The following B4GALT5 variants were observed in gnomAD, a reference collection of about 807,000 sequenced individuals.
B4GALT5 encodes the protein beta-1,4-galactosyltransferase 5, also known as UDP-Gal:beta-GlcNAc beta-1,4-galactosyltransferase 5.
Under a neutral mutation model 45.0 loss-of-function variants are expected in B4GALT5, and 11 were observed. The ratio of observed to expected loss-of-function variants is 0.24; its 90% confidence interval spans 0.15 to 0.40. The LOEUF is 0.40. Ranked by LOEUF, B4GALT5 falls within the 10% of genes least tolerant of loss-of-function variation. B4GALT5 has a pLI of 1.00. For synonymous variants in B4GALT5, 185 were observed against 182.9 expected (o/e 1.01, Z -0.09); for missense variants, 337 against 500.2 (o/e 0.67, Z 3.11).
At position 49,693,591 on chromosome 20, in the gene B4GALT5, A is replaced by G. The variant is rs1254031317; in HGVS notation, c.115+19985T>C. Among the ~76,000 whole-genome samples, 7 of 152,316 alleles carry G rather than the reference A, an allele frequency of 4.6e-5. 1 individual carries two copies. Among genetic ancestry groups the G allele is most frequent in the African/African-American group, 1.7e-4 (7 of 41,574 alleles). On this transcript the variant is annotated intron_variant, in intron 1 of 8. Coordinates refer to ENST00000371711, the MANE Select transcript of B4GALT5 (RefSeq NM_004776.4). ...GATGACTAATAGGGAAGCTCTCTAC[A>G]TCTGATTTCTAGGAGTCTAGGAATT...
At chr20:49,656,857 C>T (rs1041587440) in intron 1 of B4GALT5, among the ~76,000 whole-genome samples, 155 bp from the exon 2 acceptor site, 4 of 151,938 alleles carry the variant, frequency 2.6e-5, no homozygotes, top group African/African-American at 4.8e-5. Flanking sequence ...ATTTTCCATA[C>T]CTTTCAGGAC....
intron 1 of B4GALT5, among the ~76,000 whole-genome samples, chr20:49,672,220 T>C (rs2085718991): frequency 6.6e-6 from 1 of 152,218 alleles, no homozygotes; most frequent in Admixed American, 6.5e-5. Context: ...TGGAAGCTTG[T>C]AACAGACTAA....
chr20:49,643,284 TTTG>T (rs1446086486), intron 4 of B4GALT5, among the ~76,000 whole-genome samples: 2 of 152,212 alleles, frequency 1.3e-5, no homozygotes, highest in Non-Finnish European at 2.9e-5. Context: ...ATCCCCTTGC[TTTG>T]TTAATATTCC....
chr20:49,707,427 C>A (rs1166467426), intron 1 of B4GALT5, among the ~76,000 whole-genome samples: 2 of 151,816 alleles, frequency 1.3e-5, no homozygotes, highest in Non-Finnish European at 2.9e-5. Context: ...AGTGAAGTAA[C>A]CCATATTTCC....
At chr20:49,711,422 C>T (rs1157616234) in intron 1 of B4GALT5, among the ~76,000 whole-genome samples, 4 of 152,172 alleles carry the variant, frequency 2.6e-5, no homozygotes, top group African/African-American at 9.7e-5. Context: ...AGGGTGATTA[C>T]CATCCCAGTG....
At chr20:49,696,112 G>T (rs909871754) in intron 1 of B4GALT5, among the ~76,000 whole-genome samples, 1 of 152,188 alleles carries the variant, frequency 6.6e-6, no homozygotes, top group African/African-American at 2.4e-5. Context: ...TGTGACCAGG[G>T]TAGCCCAACT....
At chr20:49,685,344 G>A (rs2085780861) in intron 1 of B4GALT5, among the ~76,000 whole-genome samples, 1 of 152,086 alleles carries the variant, frequency 6.6e-6, no homozygotes, top group Non-Finnish European at 1.5e-5. Flanking sequence ...AAACCCAGGG[G>A]CTTCAAAAAT....
chr20:49,695,418 T>TA (rs941475640), intron 1 of B4GALT5, among the ~76,000 whole-genome samples: 9 of 148,950 alleles, frequency 6.0e-5, no homozygotes, highest in African/African-American at 2.2e-4. Context: ...GTGGTTTATT[T>TA]TTTTTTTTTT....
At chr20:49,686,466 C>T (rs981842735) in intron 1 of B4GALT5, among the ~76,000 whole-genome samples, 1 of 152,070 alleles carries the variant, frequency 6.6e-6, no homozygotes, top group African/African-American at 2.4e-5. Flanking sequence ...CTTCTTAACC[C>T]TAGAATAAGC....
intron 1 of B4GALT5, among the ~76,000 whole-genome samples, chr20:49,708,968 T>C (rs2085896490): frequency 6.6e-6 from 1 of 151,708 alleles, no homozygotes; most frequent in Non-Finnish European, 1.5e-5. Context: ...GCATAAACAA[T>C]TACCCCTAAC....
intron 1 of B4GALT5, among the ~76,000 whole-genome samples, chr20:49,712,632 A>G (rs1409449574): frequency 6.6e-6 from 1 of 151,968 alleles, no homozygotes; most frequent in Non-Finnish European, 1.5e-5. Flanking sequence ...GACAATTTAA[A>G]CTTCTCCTTT....
At chr20:49,673,994 T>C (rs1270496471) in intron 1 of B4GALT5, among the ~76,000 whole-genome samples, 1 of 150,032 alleles carries the variant, frequency 6.7e-6, no homozygotes, top group Non-Finnish European at 1.5e-5. Context: ...TCCCACCACT[T>C]TGGGAGGCCG....
chr20:49,664,497 A>G (rs1168105717), intron 1 of B4GALT5, among the ~76,000 whole-genome samples: 1 of 151,664 alleles, frequency 6.6e-6, no homozygotes, highest in Non-Finnish European at 1.5e-5. Flanking sequence ...CTGAAAGAAC[A>G]TAGGATATTC....
At chr20:49,710,628 T>C (rs979923941) in intron 1 of B4GALT5, among the ~76,000 whole-genome samples, 4 of 151,990 alleles carry the variant, frequency 2.6e-5, no homozygotes, top group African/African-American at 9.7e-5. Context: ...CCATCTTGGA[T>C]AGGCTGGACT....
At chr20:49,681,059 A>C (rs1600547219) in intron 1 of B4GALT5, among the ~76,000 whole-genome samples, 2 of 151,924 alleles carry the variant, frequency 1.3e-5, no homozygotes, top group Admixed American at 1.3e-4. Context: ...TATTTCTACC[A>C]AAAACAATTA....
At chr20:49,655,318 C>A (rs1456913020) in intron 2 of B4GALT5, among the ~76,000 whole-genome samples, 1 of 151,798 alleles carries the variant, frequency 6.6e-6, no homozygotes, top group African/African-American at 2.4e-5. Flanking sequence ...GTAACCCCAG[C>A]TACTCGGGAG....
chr20:49,659,338 A>C (rs2085655938), intron 1 of B4GALT5, among the ~76,000 whole-genome samples: 1 of 152,174 alleles, frequency 6.6e-6, no homozygotes, highest in African/African-American at 2.4e-5. Context: ...AAATCCCATT[A>C]ATCCTTCAAA....
chr20:49,713,840 G>C lies in B4GALT5; in HGVS notation c.-150C>G, dbSNP rs1235794039. The C allele has an allele frequency of 6.7e-6, 1 of 148,824 alleles. No homozygotes were observed. Among genetic ancestry groups the C allele is most frequent in the Non-Finnish European group, 1.5e-5 (1 of 67,356 alleles). The allele number at this position is 148,824 out of a possible 1,614,324, so 9.2% of individuals were successfully genotyped here. ...CGCCACTCGCCGCCGCCGCCGCCTCGCCGCTCCCAGCCGCCGGCCGTCGCG... is the reference window on the plus strand; with the variant it reads ...CGCCACTCGCCGCCGCCGCCGCCTCCCCGCTCCCAGCCGCCGGCCGTCGCG... On this transcript the variant is annotated 5_prime_UTR_variant, in exon 1 of 9. Transcript: ENST00000371711.
At position 49,653,593 on chromosome 20, in the gene B4GALT5, A is replaced by T. The variant is rs572982514; in HGVS notation, c.250+2975T>A. ...TAACCCTGCTGCTGCATCAAGTTCC[A>T]TGACTTCCATGTGCCTTGTTCCTTT... On this transcript the variant is annotated intron_variant, in intron 2 of 8. Coordinates refer to ENST00000371711, the MANE Select transcript of B4GALT5 (RefSeq NM_004776.4). Among the ~76,000 whole-genome samples the T allele has an allele frequency of 4.4e-4, 67 of 152,320 alleles. No individual in the cohort carries two copies. The Middle Eastern group carries it at 0.014, about 31-fold the overall frequency.
Sources: gnomAD v4.1 joint callset for allele counts (sites outside exome capture counted in the v4.1 genomes callset) on GRCh38, gnomAD v4.1.1 for gene constraint, MANE v1.5 for transcripts, NCBI Gene and HGNC (gene_info 2026-07-23, HGNC 2026-07-21) for gene names.